The following ZFR variants were observed in gnomAD, a reference collection of about 807,000 sequenced individuals.
ZFR encodes the protein zinc finger RNA-binding protein.
ZFR carries 19 observed loss-of-function variants against 130.7 expected under a neutral mutation model. The ratio of observed to expected loss-of-function variants is 0.15; its 90% CI spans 0.10 to 0.21. ZFR has a LOEUF of 0.21. ZFR is among the 10% of genes least tolerant of loss of function. ZFR has a pLI of 1.00. For missense variants in ZFR, 872 were observed against 1,321.5 expected (o/e 0.66, Z 5.27); for synonymous variants, 466 against 456.9 (o/e 1.02, Z -0.25).
intron 2 of ZFR, among the ~76,000 whole-genome samples, chr5:32,442,578 G>T (rs912787323): frequency 3.0e-4 from 45 of 152,188 alleles, no homozygotes; most frequent in Admixed American, 6.5e-5. Flanking sequence ...GCTTTTTCTG[G>T]AATGCAGGCC....
intron 12 of ZFR, among the ~76,000 whole-genome samples, chr5:32,389,591 G>A (rs557454176): frequency 1.3e-5 from 2 of 152,190 alleles, no homozygotes; most frequent in African/African-American, 2.4e-5. Context: ...CTGAGGCTTC[G>A]GTGAGCTATG....
At chr5:32,377,859 T>C (rs1443312139) in intron 17 of ZFR, among the ~76,000 whole-genome samples, 1 of 151,938 alleles carries the variant, frequency 6.6e-6, no homozygotes, top group Non-Finnish European at 1.5e-5. Context: ...GCCCAGCTAA[T>C]TGTTGTATTA....
chr5:32,384,615 T>A (rs957547634), intron 15 of ZFR, among the ~76,000 whole-genome samples: 1 of 152,134 alleles, frequency 6.6e-6, no homozygotes, highest in African/African-American at 2.4e-5. Context: ...GAAATATTAG[T>A]GTAGACTGTT....
rs538484110 is a variant in ZFR, at chr5:32,376,358, G to A, written c.2835+2757C>T. ...GATGAAAAAAAAGCTCTAAAACAAA[G>A]GAGATGTGCCAGGCACAGTGGCTCA... On this transcript the variant is annotated intron_variant, in intron 17 of 19. Transcript: ENST00000265069. Among the ~76,000 whole-genome samples, 19 of 152,046 alleles carry A rather than the reference G, an allele frequency of 1.2e-4. No individual in the cohort carries two copies. The South Asian group carries it at 3.9e-3, about 32-fold the overall frequency.
intron 5 of ZFR, among the ~76,000 whole-genome samples, chr5:32,410,373 C>T (rs915886433): frequency 2.0e-5 from 3 of 149,888 alleles, no homozygotes; most frequent in South Asian, 2.1e-4. Flanking sequence ...CTTTGAGAGG[C>T]GGAGGTGGGC....
intron 2 of ZFR, among the ~76,000 whole-genome samples, chr5:32,433,961 T>G (rs549634672): frequency 6.6e-6 from 1 of 152,206 alleles, no homozygotes; most frequent in South Asian, 2.1e-4. Context: ...TAGTCCCACT[T>G]AGGAGGCTGA....
At chr5:32,402,297 C>A (rs927130495) in intron 8 of ZFR, among the ~76,000 whole-genome samples, 1 of 151,984 alleles carries the variant, frequency 6.6e-6, no homozygotes, top group African/African-American at 2.4e-5. Context: ...GTATCTTAAG[C>A]CTAAAGGTGT....
At chr5:32,384,851 G>A (rs1752999945) in intron 15 of ZFR, among the ~76,000 whole-genome samples, 1 of 152,102 alleles carries the variant, frequency 6.6e-6, no homozygotes, top group Non-Finnish European at 1.5e-5. Context: ...ACCCTGAATT[G>A]TGCTGTGACT....
chr5:32,400,329 A>G (rs1753420633), intron 8 of ZFR, 126 bp from the exon 9 acceptor site: 1 of 642,948 alleles, frequency 1.6e-6, no homozygotes, highest in East Asian at 3.2e-5. Flanking sequence ...CATACAACAG[A>G]TGAGAATTTT....
chr5:32,375,616 C>T (rs536263427), intron 17 of ZFR, among the ~76,000 whole-genome samples: 5 of 151,702 alleles, frequency 3.3e-5, no homozygotes, highest in African/African-American at 9.7e-5. Flanking sequence ...AATAGATCTT[C>T]CCACTTCAGT....
chr5:32,436,504 T>C (rs2111866920), intron 2 of ZFR, among the ~76,000 whole-genome samples: 1 of 152,288 alleles, frequency 6.6e-6, no homozygotes, highest in East Asian at 1.9e-4. Context: ...GTCTACTGAA[T>C]GCTTGATATA....
chr5:32,433,670 A>C (rs933523206), intron 2 of ZFR, among the ~76,000 whole-genome samples: 5 of 152,228 alleles, frequency 3.3e-5, no homozygotes, highest in Admixed American at 1.3e-4. Flanking sequence ...TTAATCTAAT[A>C]ACTCATTTCT....
chr5:32,414,320 G>A (rs969815472), intron 5 of ZFR, among the ~76,000 whole-genome samples: 4 of 152,156 alleles, frequency 2.6e-5, no homozygotes, highest in African/African-American at 7.2e-5. Context: ...CAAAAGCTGA[G>A]TCTCTACAAA....
rs1227420612 is a variant in ZFR at position 32,444,225 on chromosome 5, T to C, written c.137+4A>G. The C allele has an allele frequency of 2.5e-6, 4 of 1,593,938 alleles. No individual in the cohort carries two copies. The highest frequency in any genetic ancestry group is 3.4e-6 in the Non-Finnish European group (4 of 1,171,776). ...CGAACAGAGAGAAGGCAGGATGCCG[T>C]TACCTATATTGGGCCGCAGCCGCCG... On this transcript the variant is annotated splice_donor_region_variant and intron_variant, in intron 2 of 19. Transcript: ENST00000265069.
At chr5:32,376,281 A>T (rs532378489) in intron 17 of ZFR, among the ~76,000 whole-genome samples, 2 of 152,350 alleles carry the variant, frequency 1.3e-5, no homozygotes, top group Non-Finnish European at 2.9e-5. Flanking sequence ...CCTACCAAAA[A>T]TTTTGTTATG....
At chr5:32,396,758 C>A (rs917341353) in intron 10 of ZFR, among the ~76,000 whole-genome samples, 3 of 151,576 alleles carry the variant, frequency 2.0e-5, no homozygotes, top group African/African-American at 4.9e-5. Flanking sequence ...AAAAAAAAAA[C>A]TTCAAATACA....
chr5:32,433,135 G>A (rs1235554243), intron 2 of ZFR, among the ~76,000 whole-genome samples: 2 of 152,126 alleles, frequency 1.3e-5, no homozygotes, highest in African/African-American at 2.4e-5. Flanking sequence ...GTTAAATGTC[G>A]TATGAAAATT....
At chr5:32,444,517 G>GGCC in intron 1 of ZFR, 105 bp downstream of exon 1, 7 of 1,348,656 alleles carry the variant, frequency 5.2e-6, no homozygotes, top group Non-Finnish European at 6.7e-6. Flanking sequence ...CCCGGGTGGC[G>GGCC]GCCGCCGCCT....
chr5:32,437,557 A>G (rs967751227), intron 2 of ZFR, among the ~76,000 whole-genome samples: 10 of 152,218 alleles, frequency 6.6e-5, no homozygotes, highest in African/African-American at 2.4e-4. Flanking sequence ...TGTCATGGAC[A>G]ATTAATAGTC....
Sources: gnomAD v4.1 joint callset for allele counts (sites outside exome capture counted in the v4.1 genomes callset) on GRCh38, gnomAD v4.1.1 for gene constraint, MANE v1.5 for transcripts, NCBI Gene and HGNC (gene_info 2026-07-23, HGNC 2026-07-21) for gene names.